Variants in CORO2B observed in about 807,000 individuals in gnomAD.
The protein encoded by CORO2B is coronin-2B.
In CORO2B, 26 loss-of-function variants were observed where a neutral mutation model predicts 58.8. The observed-to-expected ratio is 0.44, with a 90% confidence interval of 0.32 to 0.61. The LOEUF is 0.61. Among genes scored for constraint, CORO2B ranks in the 20% least tolerant of loss-of-function variants. CORO2B has a pLI of 0.04. For missense variants in CORO2B, 460 were observed against 645.1 expected (o/e 0.71, Z 3.11); for synonymous variants, 242 against 253.8 (o/e 0.95, Z 0.44).
chr15:68,641,380 C>T (rs1021307290), intron 1 of CORO2B: 2 of 248,672 alleles, frequency 8.0e-6, no homozygotes, highest in Non-Finnish European at 1.3e-5. Context: ...CCAGAGCCTT[C>T]ACCACAGATG....
intron 11 of CORO2B, among the ~76,000 whole-genome samples, chr15:68,720,997 CT>C (rs1046454083): frequency 6.6e-6 from 1 of 152,150 alleles, no homozygotes; most frequent in African/African-American, 2.4e-5. Context: ...TTGTCCTGCC[CT>C]AGCCTCCCAA....
rs773246133 is a variant in CORO2B at position 68,710,708 on chromosome 15, C to T, written c.334-24C>T. On this transcript the variant is annotated intron_variant, in intron 3 of 11. Coordinates refer to ENST00000261861, the MANE Select transcript of CORO2B (RefSeq NM_006091.5). The surrounding 1 kb of genome is among the most constrained non-coding windows in gnomAD (Gnocchi z 4.1). The stretch of plus-strand genomic sequence containing the variant: ...GACTTCTTGGCCGTGTCCACCCAGC[C>T]TGGACCCTCATCTCCCTCTGCAGGT... 1.9e-6 allele frequency: 3 copies of T among 1,571,618 alleles called. No individual in the cohort carries two copies. The highest frequency in any genetic ancestry group is 2.6e-6 in the Non-Finnish European group (3 of 1,155,856).
At chr15:68,690,983 G>A (rs182486061) in intron 2 of CORO2B, among the ~76,000 whole-genome samples, 1 of 150,686 alleles carries the variant, frequency 6.6e-6, no homozygotes, top group African/African-American at 2.4e-5. Context: ...CAGACAACAT[G>A]TTTTCTTGGA....
At chr15:68,676,728 AGGAGGTCTAG>A in intron 2 of CORO2B, among the ~76,000 whole-genome samples, 1 of 152,252 alleles carries the variant, frequency 6.6e-6, no homozygotes, top group Middle Eastern at 3.4e-3. Context: ...GACCTGACTC[AGGAGGTCTAG>A]AGGTGGCCCA....
intron 1 of CORO2B, among the ~76,000 whole-genome samples, chr15:68,616,139 G>C (rs915062612): frequency 1.3e-5 from 2 of 152,090 alleles, no homozygotes; most frequent in Non-Finnish European, 2.9e-5. Context: ...CTGACTCTAC[G>C]GCCTGTGCTT....
chr15:68,695,402 G>T, intron 3 of CORO2B, 146 bp downstream of exon 3: 2 of 640,818 alleles, frequency 3.1e-6, no homozygotes, highest in Non-Finnish European at 5.6e-6. Flanking sequence ...CACGATGTGG[G>T]GGGGATGGGA....
At chr15:68,708,625 G>A (rs767119928) in intron 3 of CORO2B, among the ~76,000 whole-genome samples, 5 of 151,616 alleles carry the variant, frequency 3.3e-5, no homozygotes, top group Non-Finnish European at 7.4e-5. Flanking sequence ...GCCTCCCAAA[G>A]TGCTGGGATT....
intron 1 of CORO2B, among the ~76,000 whole-genome samples, chr15:68,595,999 A>G (rs771086232): frequency 1.3e-5 from 2 of 150,934 alleles, no homozygotes; most frequent in Non-Finnish European, 3.0e-5. Context: ...GAGGGTGCCC[A>G]GTGAGGTTTG....
intron 1 of CORO2B, among the ~76,000 whole-genome samples, chr15:68,644,347 T>C (rs1309547194): frequency 6.6e-6 from 1 of 152,198 alleles, no homozygotes; most frequent in Non-Finnish European, 1.5e-5. Context: ...TAGGTCTAGA[T>C]TGGGACCCAG....
At chr15:68,571,656 T>C in the CORO2B span, among the ~76,000 whole-genome samples, 4 of 152,230 alleles carry the variant, frequency 2.6e-5, no homozygotes, top group Admixed American at 2.6e-4. Flanking sequence ...ATTGTTTATA[T>C]AGACACAGGT....
At chr15:68,518,837 A>C in the CORO2B span, among the ~76,000 whole-genome samples, 1 of 152,174 alleles carries the variant, frequency 6.6e-6, no homozygotes, top group Admixed American at 6.5e-5. Flanking sequence ...ACCCAGAGCA[A>C]GTCATCTGCT....
the CORO2B span, among the ~76,000 whole-genome samples, chr15:68,565,385 A>G: frequency 6.8e-6 from 1 of 147,708 alleles, no homozygotes; most frequent in Non-Finnish European, 1.5e-5. Flanking sequence ...ATTCAAGTGC[A>G]TATATATATA....
chr15:68,550,848 G>T, the CORO2B span, among the ~76,000 whole-genome samples: 9 of 152,180 alleles, frequency 5.9e-5, no homozygotes, highest in African/African-American at 2.2e-4. Flanking sequence ...TAAAATGGCT[G>T]TACTGTGTTC....
chr15:68,686,020 GTTT>G (rs56168498), intron 2 of CORO2B, among the ~76,000 whole-genome samples: 1,208 of 103,332 alleles, frequency 0.012, 12 homozygotes, highest in Middle Eastern at 0.032. Flanking sequence ...TCCTACTTCT[GTTT>G]TTTTTTTTTT....
At chr15:68,651,811 C>T (rs1017042567) in intron 2 of CORO2B, among the ~76,000 whole-genome samples, 7 of 152,252 alleles carry the variant, frequency 4.6e-5, no homozygotes, top group Non-Finnish European at 1.0e-4. Context: ...CTGAGGGAGG[C>T]TCAGAACCTT....
intron 2 of CORO2B, among the ~76,000 whole-genome samples, chr15:68,658,154 T>G (rs1053878732): frequency 2.0e-5 from 3 of 152,240 alleles, no homozygotes; most frequent in Admixed American, 1.3e-4. Context: ...CCCGTTGTCC[T>G]CCAAGGTCTC....
At chr15:68,656,169 T>TC (rs1490644210) in intron 2 of CORO2B, among the ~76,000 whole-genome samples, 2 of 20,192 alleles carry the variant, frequency 9.9e-5, no homozygotes, top group African/African-American at 4.4e-4. Context: ...CCTCGCACCG[T>TC]CCCCCCCGCC....
At chr15:68,724,059 G>C (rs1342001693) in intron 11 of CORO2B, among the ~76,000 whole-genome samples, 1 of 151,900 alleles carries the variant, frequency 6.6e-6, no homozygotes, top group African/African-American at 2.4e-5. Flanking sequence ...AAAATTAGCC[G>C]GGCGTGATGG....
chr15:68,523,102 A>G, the CORO2B span, among the ~76,000 whole-genome samples: 1 of 152,154 alleles, frequency 6.6e-6, no homozygotes, highest in Non-Finnish European at 1.5e-5. Flanking sequence ...TTTTCCTCCA[A>G]GAGTATAGCC....
Sources: allele counts gnomAD v4.1 joint callset (sites outside exome capture counted in the v4.1 genomes callset), GRCh38; gene constraint gnomAD v4.1.1; non-coding constraint Gnocchi (gnomAD v3.1); transcripts MANE v1.5; gene names NCBI Gene and HGNC (gene_info 2026-07-23, HGNC 2026-07-21).